Variants in SPATS2L observed in about 807,000 individuals in gnomAD.
SPATS2L encodes SPATS2-like protein.
SPATS2L carries 30 observed loss-of-function variants against 59.6 expected under a neutral mutation model. The ratio of observed to expected loss-of-function variants is 0.50; its 90% CI spans 0.38 to 0.68. The LOEUF is 0.68. Among genes scored for constraint, SPATS2L ranks in the 30% least tolerant of loss-of-function variants. SPATS2L has a pLI of 0.00. For synonymous variants in SPATS2L, 252 were observed against 263.5 expected, an observed-to-expected ratio of 0.96 and a Z score of 0.42; for missense variants, 615 against 700.0, an observed-to-expected ratio of 0.88 and a Z score of 1.37.
intron 2 of SPATS2L, among the ~76,000 whole-genome samples, chr2:200,384,491 C>T (rs1297474696): frequency 6.6e-6 from 1 of 152,184 alleles, no homozygotes; most frequent in Non-Finnish European, 1.5e-5. Flanking sequence ...GCAGCTGGGA[C>T]TACAGGCGCA....
intron 1 of SPATS2L, among the ~76,000 whole-genome samples, chr2:200,328,831 T>C (rs1341687877): frequency 2.0e-5 from 3 of 152,210 alleles, no homozygotes; most frequent in Non-Finnish European, 4.4e-5. Flanking sequence ...GTGAGTTCTT[T>C]GGGATTGTGT....
chr2:200,425,282 T>G (rs1332178044), intron 6 of SPATS2L, among the ~76,000 whole-genome samples: 1 of 151,848 alleles, frequency 6.6e-6, no homozygotes, highest in East Asian at 1.9e-4. Flanking sequence ...CAAGATTACC[T>G]CCCCTGCTTC....
intron 7 of SPATS2L, among the ~76,000 whole-genome samples, chr2:200,440,437 G>T (rs1053887968): frequency 2.0e-4 from 31 of 152,150 alleles, no homozygotes; most frequent in Admixed American, 1.3e-4. Flanking sequence ...ACCCCAGATG[G>T]CCCAGTCAGA....
At chr2:200,447,598 T>C (rs1469105900) in intron 8 of SPATS2L, among the ~76,000 whole-genome samples, 3 of 152,198 alleles carry the variant, frequency 2.0e-5, no homozygotes, top group Admixed American at 2.0e-4. Flanking sequence ...ATGGAAGATG[T>C]TGATATAAAC....
At chr2:200,347,754 T>C (rs1574459063) in intron 2 of SPATS2L, among the ~76,000 whole-genome samples, 1 of 152,316 alleles carries the variant, frequency 6.6e-6, no homozygotes, top group Non-Finnish European at 1.5e-5. Flanking sequence ...GTTTCTTCTC[T>C]GAGTTATTAG....
intron 3 of SPATS2L, among the ~76,000 whole-genome samples, chr2:200,406,189 A>G (rs1341921735): frequency 1.3e-5 from 2 of 152,194 alleles, no homozygotes; most frequent in South Asian, 4.1e-4. Flanking sequence ...GGCAATGTCA[A>G]TGCTGGAAGA....
At chr2:200,427,938 A>G (rs966230159) in intron 6 of SPATS2L, among the ~76,000 whole-genome samples, 1 of 152,116 alleles carries the variant, frequency 6.6e-6, no homozygotes, top group Non-Finnish European at 1.5e-5. Flanking sequence ...TGAGCAGGGT[A>G]GCAAATGCCT....
rs1449437462 is a variant in SPATS2L, at chr2:200,477,877, C to T, written c.1523C>T (p.Pro508Leu). 31 of 1,605,808 alleles carry T rather than the reference C, an allele frequency of 1.9e-5. No homozygotes were observed. The highest frequency in any genetic ancestry group is 2.6e-5 in the Non-Finnish European group (30 of 1,176,154). Residue 508 changes from proline to leucine, a missense_variant, in exon 13 of 13, where the codon CCC becomes CTC. Physicochemically the swap from Pro to Leu is moderately conservative, Grantham distance 98 (BLOSUM62 -3). Transcript: ENST00000409140. ...TPEAPAHSEK[P>L]RRRQHAADTS... is the part of the protein sequence containing the mutation. ...GAGGCCCCGGCCCATTCTGAAAAGC[C>T]CCGGCGAAGGCAGCACGCTGCAGAC... is the stretch of plus-strand genomic sequence containing the variant.
chr2:200,342,748 A>G (rs2080374870), intron 2 of SPATS2L, among the ~76,000 whole-genome samples: 1 of 152,218 alleles, frequency 6.6e-6, no homozygotes, highest in Admixed American at 6.5e-5. Context: ...TGTGATCATA[A>G]TGAGTTATAT....
intron 2 of SPATS2L, among the ~76,000 whole-genome samples, chr2:200,385,859 A>AT (rs972998448): frequency 3.9e-5 from 6 of 151,920 alleles, no homozygotes; most frequent in Admixed American, 2.0e-4. Context: ...CACCCAGCTA[A>AT]TTTTTTTGTA....
chr2:200,331,390 T>C (rs1003366240), intron 2 of SPATS2L, among the ~76,000 whole-genome samples: 2 of 152,222 alleles, frequency 1.3e-5, no homozygotes, highest in Admixed American at 6.5e-5. Context: ...TTGGTTACAG[T>C]CATTTTCACA....
At chr2:200,443,878 G>A (rs905679950) in intron 8 of SPATS2L, among the ~76,000 whole-genome samples, 1 of 152,160 alleles carries the variant, frequency 6.6e-6, no homozygotes, top group Non-Finnish European at 1.5e-5. Flanking sequence ...ACCGGGCTGT[G>A]AAGAATACTT....
At chr2:200,467,776 G>A (rs2086702010) in intron 10 of SPATS2L, among the ~76,000 whole-genome samples, 1 of 152,180 alleles carries the variant, frequency 6.6e-6, no homozygotes, top group African/African-American at 2.4e-5. Flanking sequence ...CACGAAGCAT[G>A]AACGTAGTGT....
chr2:200,429,395 G>T (rs976785167), intron 6 of SPATS2L, among the ~76,000 whole-genome samples: 1 of 152,142 alleles, frequency 6.6e-6, no homozygotes, highest in Admixed American at 6.5e-5. Context: ...CCTAGGGGAG[G>T]CCCCCAAGCC....
At chr2:200,458,934 C>A (rs777310585) in intron 8 of SPATS2L, among the ~76,000 whole-genome samples, 1 of 152,196 alleles carries the variant, frequency 6.6e-6, no homozygotes, top group Non-Finnish European at 1.5e-5. Context: ...TGTGCTCACC[C>A]ACCCTGGGGA....
intron 1 of SPATS2L, among the ~76,000 whole-genome samples, chr2:200,326,161 C>A (rs1225404904): frequency 6.6e-6 from 1 of 152,162 alleles, no homozygotes; most frequent in African/African-American, 2.4e-5. Flanking sequence ...GGGTCTTGGG[C>A]TCTTCACAGA....
intron 1 of SPATS2L, among the ~76,000 whole-genome samples, chr2:200,325,607 G>A (rs2079710926): frequency 6.6e-6 from 1 of 152,116 alleles, no homozygotes; most frequent in Non-Finnish European, 1.5e-5. Context: ...TTGAATTCCT[G>A]GCCCCAAGTG....
intron 9 of SPATS2L, among the ~76,000 whole-genome samples, chr2:200,462,890 C>T (rs943747195): frequency 6.6e-6 from 1 of 152,002 alleles, no homozygotes; most frequent in Non-Finnish European, 1.5e-5. Context: ...CATGCCATTA[C>T]AATCCAGCCT....
At chr2:200,443,061 A>G (rs1364603020) in intron 8 of SPATS2L, among the ~76,000 whole-genome samples, 1 of 152,232 alleles carries the variant, frequency 6.6e-6, no homozygotes, top group Non-Finnish European at 1.5e-5. Context: ...TCCTTAATAA[A>G]AGTGATCCCA....
Sources: allele counts gnomAD v4.1 joint callset (sites outside exome capture counted in the v4.1 genomes callset), GRCh38; gene constraint gnomAD v4.1.1; transcripts MANE v1.5; gene names NCBI Gene and HGNC (gene_info 2026-07-23, HGNC 2026-07-21).